The following CA4 variants were observed in gnomAD, a reference collection of about 807,000 sequenced individuals.
The protein encoded by CA4 is CA-IV.
Under a neutral mutation model 34.5 loss-of-function variants are expected in CA4, and 24 were observed. That is an observed-to-expected ratio of 0.70 (90% CI 0.50 to 0.98). CA4 has a LOEUF of 0.98. Among genes scored for constraint, CA4 ranks in the 50% least tolerant of loss-of-function variants. The pLI is 0.00. For synonymous variants in CA4, 178 were observed against 170.6 expected (o/e 1.04, Z -0.34); for missense variants, 394 against 396.7 (o/e 0.99, Z 0.06).
downstream of CA4, among the ~76,000 whole-genome samples, chr17:60,160,322 G>A (rs1906739514): frequency 6.6e-6 from 1 of 152,230 alleles, no homozygotes; most frequent in Non-Finnish European, 1.5e-5. Context: ...GAGCGTTTAT[G>A]CTCTAGGCAC....
intron 5 of CA4, among the ~76,000 whole-genome samples, chr17:60,168,197 CTTT>C (rs953112801): frequency 2.5e-5 from 3 of 118,226 alleles, no homozygotes; most frequent in African/African-American, 1.0e-4. Flanking sequence ...AGGGTAATTT[CTTT>C]TTATTTTTTG....
chr17:60,175,189 A>ATTTTT (rs555031745), downstream of CA4, among the ~76,000 whole-genome samples: 2 of 107,646 alleles, frequency 1.9e-5, no homozygotes, highest in Admixed American at 8.8e-5. Flanking sequence ...CACCCAGCTG[A>ATTTTT]TTTTTTTTTT....
At chr17:60,159,859 G>C (rs2083765850), downstream of CA4, among the ~76,000 whole-genome samples, 1 of 152,214 alleles carries the variant, frequency 6.6e-6, no homozygotes, top group Non-Finnish European at 1.5e-5. Context: ...CAAGGTTGGG[G>C]CCGGGCATAG....
In CA4 at chr17:60,150,081, C is replaced by G; in HGVS notation, c.47C>G (p.Ser16Trp). Residue 16 changes from serine to tryptophan, a missense_variant, in exon 1 of 8, where the codon TCG becomes TGG. Coordinates refer to ENST00000300900, the MANE Select transcript of CA4 (RefSeq NM_000717.5). ...CTGGCCCTCTCCGCGGCGCGGCCAT[C>G]GGCCAGTGCAGGTGAGCTCCCGGGC... ...ALLALSAARP[S>W]ASAESHWCYE... The G allele has an allele frequency of 1.3e-6, 2 of 1,598,896 alleles. No homozygotes were observed. Among genetic ancestry groups the G allele is most frequent in the South Asian group, 1.1e-5 (1 of 90,860 alleles).
the CA4 span, among the ~76,000 whole-genome samples, chr17:60,177,976 C>T: frequency 6.6e-6 from 1 of 151,824 alleles, no homozygotes; most frequent in Non-Finnish European, 1.5e-5. Context: ...GAAAAAAATG[C>T]TACCTGAAAT....
chr17:60,173,921 A>G (rs1158690110), downstream of CA4, among the ~76,000 whole-genome samples: 2 of 152,234 alleles, frequency 1.3e-5, no homozygotes, highest in Admixed American at 6.5e-5. Flanking sequence ...TGTTGCCCCC[A>G]GAGAAACTAG....
chr17:60,164,848 G>A (rs752929927), intron 5 of CA4, among the ~76,000 whole-genome samples: 2 of 152,038 alleles, frequency 1.3e-5, no homozygotes, highest in Non-Finnish European at 2.9e-5. Flanking sequence ...GAAGCCAAGA[G>A]AGGAATGCAG....
rs773566030 is a variant in CA4 at position 60,150,001 on chromosome 17, C to T, written c.-34C>T. 2 of 1,583,410 alleles carry T rather than the reference C, an allele frequency of 1.3e-6. No individual in the cohort carries two copies. The highest frequency in any genetic ancestry group is 1.1e-5 in the South Asian group (1 of 89,924). ...CGCGGCGGCCTCCTCGGTGCGCGAC[C>T]CCCGGCTCAGAGGACTCTTTGCTGT... On this transcript the variant is annotated 5_prime_UTR_variant, in exon 1 of 8. Coordinates refer to ENST00000300900, the MANE Select transcript of CA4 (RefSeq NM_000717.5).
In CA4 at chr17:60,157,683, C is replaced by T. The variant is rs757139536; in HGVS notation, c.415-7C>T. On this transcript the variant is annotated splice_region_variant and splice_polypyrimidine_tract_variant and intron_variant, in intron 4 of 7. Transcript: ENST00000300900. ...AGGTCCCCTTTTCACCCCTCCACCC[C>T]GACCAGATGCACATAGTACATGAGA... is the stretch of plus-strand genomic sequence containing the variant. 26 of 1,613,036 alleles carry T rather than the reference C, an allele frequency of 1.6e-5. No homozygotes were observed. The highest frequency in any genetic ancestry group is 1.5e-4 in the Admixed American group (9 of 60,004).
intron 5 of CA4, among the ~76,000 whole-genome samples, chr17:60,168,975 G>C (rs368482103): frequency 2.4e-3 from 369 of 152,234 alleles, no homozygotes; most frequent in African/African-American, 7.4e-3. Flanking sequence ...AACCAGGCAC[G>C]GTGACTCGCG....
downstream of CA4, among the ~76,000 whole-genome samples, chr17:60,161,799 C>T (rs1305867203): frequency 6.6e-6 from 1 of 152,114 alleles, no homozygotes; most frequent in Non-Finnish European, 1.5e-5. Context: ...CGCCTGTCAG[C>T]GGGGGGTGTG....
intron 2 of CA4, 72 bp downstream of exon 2, chr17:60,155,439 G>T: frequency 8.2e-7 from 1 of 1,217,616 alleles, no homozygotes; most frequent in Non-Finnish European, 1.2e-6. Context: ...TGGAGACCCC[G>T]GAAGAGTGGG....
downstream of CA4, among the ~76,000 whole-genome samples, chr17:60,161,445 C>CTT (rs931285720): frequency 7.9e-4 from 120 of 152,166 alleles, 2 homozygotes; most frequent in African/African-American, 2.7e-3. Flanking sequence ...GTGAGGACCC[C>CTT]TTTGGCAGGC....
chr17:60,160,109 C>T (rs2083768418), downstream of CA4, among the ~76,000 whole-genome samples: 1 of 152,168 alleles, frequency 6.6e-6, no homozygotes, highest in African/African-American at 2.4e-5. Flanking sequence ...CACTGCACTC[C>T]AGCCTGGGCA....
At chr17:60,157,833 GCTT>G (rs1163048008) in intron 5 of CA4, 45 bp downstream of exon 5, 1 of 1,572,962 alleles carries the variant, frequency 6.4e-7, no homozygotes, top group East Asian at 2.2e-5. Context: ...GGGGCTGAGA[GCTT>G]CTTCTTAGGA....
downstream of CA4, among the ~76,000 whole-genome samples, chr17:60,161,151 A>G (rs1270134888): frequency 6.6e-6 from 1 of 151,984 alleles, no homozygotes; most frequent in Non-Finnish European, 1.5e-5. Flanking sequence ...AGTCCCCACC[A>G]CCACGGTGAT....
downstream of CA4, among the ~76,000 whole-genome samples, chr17:60,173,193 A>T (rs764523864): frequency 2.0e-5 from 3 of 152,246 alleles, no homozygotes; most frequent in Non-Finnish European, 4.4e-5. Context: ...TAAATACATA[A>T]ATAAAATGGA....
chr17:60,155,342 C>G lies in CA4; in HGVS notation c.87C>G (p.Ala29=). 6.2e-7 allele frequency: 1 copy of G among 1,611,378 alleles called. No individual in the cohort carries two copies. Among genetic ancestry groups the G allele is most frequent in the South Asian group, 1.1e-5 (1 of 90,402 alleles). ...AESHWCYEVQ[A]ESSNYPCLVP... ...CACACTGGTGCTACGAGGTTCAAGC[C>G]GAGTCCTCCAACTACCCCTGCTTGG... Residue 29 remains alanine, a synonymous_variant, in exon 2 of 8, where the codon GCC becomes GCG. Coordinates refer to ENST00000300900, the MANE Select transcript of CA4 (RefSeq NM_000717.5).
At chr17:60,154,268 A>C (rs2083641180) in intron 1 of CA4, among the ~76,000 whole-genome samples, 1 of 151,770 alleles carries the variant, frequency 6.6e-6, no homozygotes. Context: ...GGGGGAGGGA[A>C]GGAGTTGTCG....
Sources: gnomAD v4.1 joint callset for allele counts (sites outside exome capture counted in the v4.1 genomes callset) on GRCh38, gnomAD v4.1.1 for gene constraint, MANE v1.5 for transcripts, NCBI Gene and HGNC (gene_info 2026-07-23, HGNC 2026-07-21) for gene names.